Variants in NCAPD2 observed in about 807,000 individuals in gnomAD.
NCAPD2 encodes non-SMC condensin I complex subunit D2.
Under a neutral mutation model 164.5 loss-of-function variants are expected in NCAPD2, and 100 were observed. The observed-to-expected ratio is 0.61, with a 90% CI of 0.52 to 0.72. The LOEUF (loss-of-function observed/expected upper bound fraction) is 0.72. Among genes scored for constraint, NCAPD2 ranks in the 30% least tolerant of loss-of-function variants. The pLI is 0.00. For synonymous variants in NCAPD2, 585 were observed against 642.6 expected, an observed-to-expected ratio of 0.91 and a Z score of 1.36; for missense variants, 1,560 against 1,749.2, an observed-to-expected ratio of 0.89 and a Z score of 1.93.
intron 21 of NCAPD2, 60 bp from the exon 22 acceptor site, chr12:6,526,831 C>T: frequency 1.3e-6 from 2 of 1,539,930 alleles, no homozygotes; most frequent in Non-Finnish European, 1.8e-6. Context: ...AAATCGGATT[C>T]AGGTTTGATG....
rs76272796 is a variant in NCAPD2 at position 6,518,402 on chromosome 12, A to G, written c.1589+443A>G. On this transcript the variant is annotated intron_variant, in intron 13 of 31. Coordinates refer to ENST00000315579, the MANE Select transcript of NCAPD2 (RefSeq NM_014865.4). Reference sequence around the variant, plus strand: ...ATCAAACATGCTTAATACTACCTTAATCTTCAAACCTAGTATGAATCCTGA... The same window carrying G: ...ATCAAACATGCTTAATACTACCTTAGTCTTCAAACCTAGTATGAATCCTGA... Among the ~76,000 whole-genome samples, 24 of 151,464 alleles carry G rather than the reference A, an allele frequency of 1.6e-4. No homozygotes were observed. The East Asian group carries it at 4.6e-3, about 29-fold the overall frequency.
At chr12:6,527,571 C>T (rs545402832) in intron 22 of NCAPD2, among the ~76,000 whole-genome samples, 43 of 152,336 alleles carry the variant, frequency 2.8e-4, no homozygotes, top group African/African-American at 1.0e-3. Context: ...TGCAGAAACA[C>T]GCTTTGGCAA....
intron 2 of NCAPD2, among the ~76,000 whole-genome samples, chr12:6,495,726 T>C (rs1945974761): frequency 6.6e-6 from 1 of 152,212 alleles, no homozygotes; most frequent in East Asian, 1.9e-4. Context: ...AAAGCACCTT[T>C]TGCATTACCA....
At chr12:6,513,957 C>T (rs992215243) in intron 6 of NCAPD2, among the ~76,000 whole-genome samples, 10 of 152,002 alleles carry the variant, frequency 6.6e-5, no homozygotes, top group Admixed American at 1.3e-4. Context: ...CCTCGTGATC[C>T]ACCTGCCTCG....
chr12:6,525,411 A>T (rs1337292071), intron 17 of NCAPD2, among the ~76,000 whole-genome samples, 172 bp from the exon 18 acceptor site: 1 of 152,142 alleles, frequency 6.6e-6, no homozygotes, highest in East Asian at 1.9e-4. Flanking sequence ...AAAAGTAGAG[A>T]ATGGAAAGCC....
intron 15 of NCAPD2, among the ~76,000 whole-genome samples, chr12:6,522,509 C>T (rs1372846280): frequency 1.3e-5 from 2 of 151,340 alleles, no homozygotes; most frequent in African/African-American, 2.4e-5. Flanking sequence ...TGCTTGAGCC[C>T]GGGAGTTTGA....
chr12:6,514,031 T>C (rs1259257587), intron 6 of NCAPD2, among the ~76,000 whole-genome samples: 1 of 152,186 alleles, frequency 6.6e-6, no homozygotes, highest in Non-Finnish European at 1.5e-5. Context: ...ATCATATTTT[T>C]ATGATATATT....
chr12:6,502,828 A>G (rs1946050307), intron 2 of NCAPD2, among the ~76,000 whole-genome samples: 1 of 113,628 alleles, frequency 8.8e-6, no homozygotes, highest in African/African-American at 3.9e-5. Flanking sequence ...AATTGTTTAC[A>G]AAGGTGTTTT....
chr12:6,506,483 G>A (rs1353606343), intron 2 of NCAPD2, among the ~76,000 whole-genome samples: 2 of 151,842 alleles, frequency 1.3e-5, no homozygotes, highest in Admixed American at 6.6e-5. Flanking sequence ...CCAGCTACTC[G>A]GGAGGCTGAG....
At chr12:6,529,123 G>A (rs1393918454) in intron 27 of NCAPD2, 84 bp downstream of exon 27, 20 of 1,268,672 alleles carry the variant, frequency 1.6e-5, no homozygotes, top group African/African-American at 4.4e-5. Context: ...ATTCCACCTC[G>A]GCTACTCTTT....
chr12:6,528,811 G>T lies in NCAPD2; in HGVS notation c.3432G>T (p.Gln1144His). ...TGCTGCTCATCGACCCCGAGCCTCA[G>T]ATTGCTGCCCTGGCCAAGAACTTCT... is the stretch of plus-strand genomic sequence containing the variant. ...MAVLLIDPEP[Q>H]IAALAKNFFN... The change falls in exon 26 of 32, where the codon CAG (glutamine) becomes CAT (histidine). Residue 1144 changes from glutamine (Q) to histidine (H), a missense_variant. Physicochemically the swap from Gln to His is conservative, Grantham distance 24. Coordinates refer to ENST00000315579, the MANE Select transcript of NCAPD2 (RefSeq NM_014865.4). This position sits in a 1 kb window ranked among gnomAD's most constrained non-coding sequence, Gnocchi z 5.1. The T allele has an allele frequency of 6.2e-7, 1 of 1,614,136 alleles. No individual in the cohort carries two copies. Among genetic ancestry groups the T allele is most frequent in the African/African-American group, 1.3e-5 (1 of 75,042 alleles).
At chr12:6,510,982 T>C in intron 5 of NCAPD2, 128 bp from the exon 6 acceptor site, 1 of 1,292,006 alleles carries the variant, frequency 7.7e-7, no homozygotes, top group Non-Finnish European at 1.1e-6. Context: ...GCTGTGGAAC[T>C]TGTAATATTT....
Position 6,529,570 on chromosome 12 carries a change from G to C in NCAPD2, c.3630G>C (p.Leu1210=). ...AGACAGAGAGCCTGGTGGAAAAGCT[G>C]TGTCAGCGGTTCCGCACATCCCGGT... ...DKQTESLVEK[L]CQRFRTSRTE... Residue 1210 remains leucine (L), a synonymous_variant, in exon 28 of 32, where the codon CTG becomes CTC. Coordinates refer to ENST00000315579, the MANE Select transcript of NCAPD2 (RefSeq NM_014865.4). 6.2e-7 allele frequency: 1 copy of C among 1,614,188 alleles called. No homozygotes were observed. The highest frequency in any genetic ancestry group is 1.6e-4 in the Middle Eastern group (1 of 6,062).
intron 21 of NCAPD2, 29 bp from the exon 22 acceptor site, chr12:6,526,862 G>C: frequency 1.3e-6 from 2 of 1,579,276 alleles, no homozygotes; most frequent in Non-Finnish European, 8.6e-7. Flanking sequence ...ATGTCTCTTT[G>C]CCCCACCTTC....
In NCAPD2 at chr12:6,531,537, G is replaced by A; in HGVS notation, c.*125G>A. 1 of 1,515,928 alleles carries A rather than the reference G, an allele frequency of 6.6e-7. No homozygotes were observed. Among genetic ancestry groups the A allele is most frequent in the Non-Finnish European group, 8.8e-7 (1 of 1,135,712 alleles). The allele number at this position is 1,515,928 out of a possible 1,614,324, so 93.9% of individuals were successfully genotyped here. A position where few individuals can be genotyped will look rare whatever the true frequency, so the allele number is the denominator to read the frequency against. ...AAAAAAAAAAAAGGCCGGGCACTGTGGCTCACGCCTGTAATCCCAGCACTT... is the reference window on the plus strand; with the variant it reads ...AAAAAAAAAAAAGGCCGGGCACTGTAGCTCACGCCTGTAATCCCAGCACTT... On this transcript the variant is annotated 3_prime_UTR_variant, in exon 32 of 32. Transcript: ENST00000315579. This position sits in a 1 kb window ranked among gnomAD's most constrained non-coding sequence, Gnocchi z 4.1.
At chr12:6,513,715 C>CTTTTTTTTTTTTTTTTATTTTTTT (rs1946172495) in intron 6 of NCAPD2, among the ~76,000 whole-genome samples, 1 of 74,894 alleles carries the variant, frequency 1.3e-5, no homozygotes, top group African/African-American at 5.9e-5. Flanking sequence ...GTGACTTTGT[C>CTTTTTTTTTTTTTTTTATTTTTTT]TTTTTTTTTT....
intron 14 of NCAPD2, 40 bp from the exon 15 acceptor site, chr12:6,521,758 C>A (rs1310629872): frequency 6.2e-7 from 1 of 1,605,360 alleles, no homozygotes; most frequent in East Asian, 2.2e-5. Context: ...CCCCTGTATC[C>A]CCTTGAACGA....
At chr12:6,507,426 T>C (rs1364102531) in intron 2 of NCAPD2, among the ~76,000 whole-genome samples, 1 of 152,244 alleles carries the variant, frequency 6.6e-6, no homozygotes, top group Admixed American at 6.5e-5. Context: ...AAAGCAATTT[T>C]ACTTCTCTGC....
intron 2 of NCAPD2, among the ~76,000 whole-genome samples, chr12:6,506,466 G>T (rs939542526): frequency 1.6e-4 from 25 of 151,702 alleles, no homozygotes; most frequent in Admixed American, 3.3e-4. Flanking sequence ...GGCGGGCGCC[G>T]GTAGTCCCAG....
Sources: gnomAD v4.1 joint callset for allele counts (sites outside exome capture counted in the v4.1 genomes callset) on GRCh38, gnomAD v4.1.1 for gene constraint, Gnocchi (gnomAD v3.1) non-coding constraint, MANE v1.5 for transcripts, NCBI Gene and HGNC (gene_info 2026-07-23, HGNC 2026-07-21) for gene names.